The following GCNT1 variants were observed in gnomAD, a reference collection of about 807,000 sequenced individuals.
The protein encoded by GCNT1 is beta-1,3-galactosyl-O-glycosyl-glycoprotein beta-1,6-N-acetylglucosaminyltransferase.
GCNT1 carries 16 observed loss-of-function variants against 26.2 expected under a neutral mutation model. The ratio of observed to expected loss-of-function variants is 0.61; its 90% CI spans 0.41 to 0.93. The LOEUF (loss-of-function observed/expected upper bound fraction) is 0.93, where lower values mean the gene tolerates loss of function less well. Ranked by LOEUF, GCNT1 falls within the 40% of genes least tolerant of loss-of-function variation. GCNT1 has a pLI of 0.00. For synonymous variants in GCNT1, 183 were observed against 190.8 expected, an observed-to-expected ratio of 0.96 and a Z score of 0.34; for missense variants, 477 against 526.7, an observed-to-expected ratio of 0.91 and a Z score of 0.92.
At chr9:76,423,220 TC>T (rs1823221108) in intron 1 of GCNT1, among the ~76,000 whole-genome samples, 1 of 152,202 alleles carries the variant, frequency 6.6e-6, no homozygotes, top group Admixed American at 6.5e-5. Context: ...TTTAAATGTG[TC>T]CCCCAAAGTT....
chr9:76,472,499 C>G (rs1341061763), intron 2 of GCNT1, among the ~76,000 whole-genome samples: 2 of 152,172 alleles, frequency 1.3e-5, no homozygotes, highest in African/African-American at 4.8e-5. Context: ...CCTTATGCCC[C>G]AGGGCCTCAG....
upstream of GCNT1, among the ~76,000 whole-genome samples, chr9:76,416,740 T>A (rs991491213): frequency 6.6e-6 from 1 of 152,246 alleles, no homozygotes; most frequent in Non-Finnish European, 1.5e-5. Flanking sequence ...ATGAAAAAGC[T>A]TTTTTGTGAT....
At chr9:76,403,635 A>G in the GCNT1 span, among the ~76,000 whole-genome samples, 1 of 152,182 alleles carries the variant, frequency 6.6e-6, no homozygotes, top group Admixed American at 6.5e-5. Context: ...TGGCCTGCTC[A>G]TTGCTTCATG....
intron 2 of GCNT1, among the ~76,000 whole-genome samples, chr9:76,495,116 G>A (rs752064967): frequency 9.2e-5 from 14 of 152,174 alleles, no homozygotes; most frequent in Non-Finnish European, 1.8e-4. Flanking sequence ...AATAGCAAGC[G>A]AAAGGGGTCC....
chr9:76,415,080 A>G (rs889755416), upstream of GCNT1, among the ~76,000 whole-genome samples: 3 of 151,500 alleles, frequency 2.0e-5, no homozygotes, highest in Non-Finnish European at 4.4e-5. Flanking sequence ...TTTCCTTGAG[A>G]CAGAGTCTCA....
At chr9:76,489,920 T>A (rs779800751) in intron 2 of GCNT1, among the ~76,000 whole-genome samples, 8 of 152,082 alleles carry the variant, frequency 5.3e-5, no homozygotes, top group Non-Finnish European at 1.2e-4. Flanking sequence ...TCAGTAGAAG[T>A]TGTTAGTTGA....
intron 1 of GCNT1, among the ~76,000 whole-genome samples, chr9:76,434,821 T>G (rs935128616): frequency 6.6e-5 from 10 of 152,120 alleles, no homozygotes; most frequent in African/African-American, 2.2e-4. Flanking sequence ...AGGAAAAGAA[T>G]TGCATTCCTG....
chr9:76,418,879 T>C (rs1425758407), upstream of GCNT1, among the ~76,000 whole-genome samples: 1 of 152,184 alleles, frequency 6.6e-6, no homozygotes, highest in African/African-American at 2.4e-5. Flanking sequence ...TTTTCTGTGA[T>C]AGGTAATGAG....
At chr9:76,453,191 T>C (rs1439887011) in intron 1 of GCNT1, among the ~76,000 whole-genome samples, 2 of 152,120 alleles carry the variant, frequency 1.3e-5, no homozygotes, top group African/African-American at 4.8e-5. Flanking sequence ...GCTTCACCAG[T>C]GCTGTGAAGA....
At chr9:76,460,574 AG>A (rs1823851172) in intron 2 of GCNT1, among the ~76,000 whole-genome samples, 1 of 152,202 alleles carries the variant, frequency 6.6e-6, no homozygotes, top group Non-Finnish European at 1.5e-5. Flanking sequence ...CCCCTGCTGG[AG>A]GCTTTCGTAA....
At chr9:76,499,183 A>G (rs372357540) in intron 2 of GCNT1, among the ~76,000 whole-genome samples, 1 of 152,012 alleles carries the variant, frequency 6.6e-6, no homozygotes, top group East Asian at 1.9e-4. Flanking sequence ...GCTGAAGTGC[A>G]GTGGCATGAT....
At chr9:76,457,034 G>A (rs1032070857), upstream of GCNT1, among the ~76,000 whole-genome samples, 2 of 152,116 alleles carry the variant, frequency 1.3e-5, no homozygotes, top group Non-Finnish European at 2.9e-5. Context: ...TGACAAACAA[G>A]ATATATTCCA....
chr9:76,397,362 G>A, the GCNT1 span, among the ~76,000 whole-genome samples: 1 of 151,874 alleles, frequency 6.6e-6, no homozygotes, highest in Non-Finnish European at 1.5e-5. Flanking sequence ...GAGCAGTCAG[G>A]CTCCAATCTT....
chr9:76,437,826 G>A (rs1823430138), upstream of GCNT1, among the ~76,000 whole-genome samples: 2 of 152,208 alleles, frequency 1.3e-5, no homozygotes, highest in South Asian at 4.1e-4. Context: ...TTTTGATATA[G>A]AGCTTGATTA....
intron 1 of GCNT1, among the ~76,000 whole-genome samples, chr9:76,453,280 G>C (rs905747841): frequency 1.3e-5 from 2 of 152,194 alleles, no homozygotes; most frequent in African/African-American, 4.8e-5. Flanking sequence ...GAAAAGGTGT[G>C]TAGGAATGGG....
In GCNT1 at chr9:76,500,729, C is replaced by A. The variant is rs112094847; in HGVS notation, c.-289-187C>A. Among the ~76,000 whole-genome samples, 809 of 151,902 alleles carry A rather than the reference C, an allele frequency of 5.3e-3. 8 individuals carry two copies. Among genetic ancestry groups the A allele is most frequent in the African/African-American group, 0.018 (741 of 41,422 alleles). On this transcript the variant is annotated intron_variant, in intron 2 of 3. Transcript: ENST00000376730. ...AGGGTGTTTTCAAATCTTTAGCAAT[C>A]CACAAACATAGAATTAGAAAAATAA... is the stretch of plus-strand genomic sequence containing the variant.
At chr9:76,479,465 A>G (rs1379649201) in intron 2 of GCNT1, among the ~76,000 whole-genome samples, 2 of 152,222 alleles carry the variant, frequency 1.3e-5, no homozygotes, top group African/African-American at 4.8e-5. Flanking sequence ...GAACCAGTTT[A>G]CAGTCCCACC....
chr9:76,436,887 T>C (rs1823417844), upstream of GCNT1, among the ~76,000 whole-genome samples: 1 of 152,006 alleles, frequency 6.6e-6, no homozygotes, highest in Non-Finnish European at 1.5e-5. Context: ...ATGTTCTCAC[T>C]CATAGGTGGG....
rs1269699635 is a variant in GCNT1 at position 76,502,729 on chromosome 9, AGAAGAGGCG to A, written c.351_359del (p.Glu118_Glu120del). The stretch of plus-strand genomic sequence containing the variant: ...AATATATTGTAGAACCCCTTAGTAA[AGAAGAGGCG>A]GAGTTTCCAATAGCATATTCTATAG... On this transcript the variant is annotated inframe_deletion, in exon 4 of 4. Coordinates refer to ENST00000376730, the MANE Select transcript of GCNT1 (RefSeq NM_001490.5). 6.2e-7 allele frequency: 1 copy of A among 1,614,044 alleles called. No homozygotes were observed. Among genetic ancestry groups the A allele is most frequent in the Non-Finnish European group, 8.5e-7 (1 of 1,179,994 alleles).
Sources: allele counts gnomAD v4.1 joint callset (sites outside exome capture counted in the v4.1 genomes callset), GRCh38; gene constraint gnomAD v4.1.1; transcripts MANE v1.5; gene names NCBI Gene and HGNC (gene_info 2026-07-23, HGNC 2026-07-21).